The following NALF1 variants were observed in gnomAD, a reference collection of about 807,000 sequenced individuals.
The protein encoded by NALF1 is NALCN channel auxiliary factor 1.
A neutral mutation model predicts 48.4 loss-of-function variants in NALF1; 3 were observed. That is an observed-to-expected ratio of 0.06 (90% CI 0.03 to 0.16). NALF1 has a LOEUF of 0.16. NALF1 is among the 10% of genes least tolerant of loss of function. The probability of loss-of-function intolerance (pLI) is 1.00; values close to 1 mark genes in which losing one functional copy is unlikely to be tolerated. For synonymous variants in NALF1, 262 were observed against 245.7 expected, an observed-to-expected ratio of 1.07 and a Z score of -0.62; for missense variants, 526 against 571.5, an observed-to-expected ratio of 0.92 and a Z score of 0.81.
In NALF1 at chr13:107,708,916, AG is replaced by A. The variant is rs1875483559; in HGVS notation, c.915+156765del. Among the ~76,000 whole-genome samples, 3 of 152,172 alleles carry A rather than the reference AG, an allele frequency of 2.0e-5. No homozygotes were observed. The South Asian group carries it at 6.2e-4, about 32-fold the overall frequency. On this transcript the variant is annotated intron_variant, in intron 1 of 2. Coordinates refer to ENST00000375915, the MANE Select transcript of NALF1 (RefSeq NM_001080396.3). ...ATTTTAGTTTTCTATTTCTAAGTAA[AG>A]TGTGTTTATCAATAACTAGCTCATT...
intron 1 of NALF1, among the ~76,000 whole-genome samples, chr13:107,321,254 A>G (rs898208721): frequency 2.0e-5 from 3 of 152,142 alleles, no homozygotes; most frequent in African/African-American, 7.2e-5. Flanking sequence ...TCCAAGATAA[A>G]TTAATGAGCT....
chr13:107,471,860 AT>A (rs1885105893), intron 1 of NALF1, among the ~76,000 whole-genome samples: 1 of 152,116 alleles, frequency 6.6e-6, no homozygotes, highest in Non-Finnish European at 1.5e-5. Context: ...CCAATGTATT[AT>A]TTTCTTTGAA....
At chr13:107,344,978 G>A (rs1259181603) in intron 1 of NALF1, among the ~76,000 whole-genome samples, 2 of 152,052 alleles carry the variant, frequency 1.3e-5, no homozygotes, top group South Asian at 2.1e-4. Context: ...AAACAAATTC[G>A]GTAAAGTTGA....
At chr13:107,245,584 C>T (rs1880565222) in intron 1 of NALF1, among the ~76,000 whole-genome samples, 1 of 152,096 alleles carries the variant, frequency 6.6e-6, no homozygotes, top group South Asian at 2.1e-4. Context: ...CTTAAATATT[C>T]TTTTTGCTGT....
At chr13:107,447,603 G>A (rs765183204) in intron 1 of NALF1, among the ~76,000 whole-genome samples, 6 of 151,960 alleles carry the variant, frequency 3.9e-5, no homozygotes, top group Non-Finnish European at 8.8e-5. Context: ...CTCTTTCAGG[G>A]CACTGTCATT....
At chr13:107,795,429 A>C (rs530652084) in intron 1 of NALF1, among the ~76,000 whole-genome samples, 1 of 152,274 alleles carries the variant, frequency 6.6e-6, no homozygotes, top group Non-Finnish European at 1.5e-5. Flanking sequence ...AGTGTCATTA[A>C]ACAAATCAGT....
Position 107,170,485 on chromosome 13 carries a change from C to T in NALF1, c.*12G>A, listed in dbSNP as rs745781693. On this transcript the variant is annotated 3_prime_UTR_variant, in exon 3 of 3. Coordinates refer to ENST00000375915, the MANE Select transcript of NALF1 (RefSeq NM_001080396.3). ...CGGGCCAGCTGCTGCTGTGGTGACA[C>T]TCGTCCTTCCGTTACTCCTCATTGG... is the stretch of plus-strand genomic sequence containing the variant. The T allele has an allele frequency of 1.9e-6, 3 of 1,578,740 alleles. No homozygotes were observed. The highest frequency in any genetic ancestry group is 1.7e-5 in the Admixed American group (1 of 59,552).
At chr13:107,821,763 ATTATG>A (rs1434802257) in intron 1 of NALF1, among the ~76,000 whole-genome samples, 4 of 152,234 alleles carry the variant, frequency 2.6e-5, no homozygotes, top group African/African-American at 7.2e-5. Context: ...CATACCATTA[ATTATG>A]TTAACAACAA....
chr13:107,634,069 G>A (rs1879909940), intron 1 of NALF1, among the ~76,000 whole-genome samples: 1 of 151,782 alleles, frequency 6.6e-6, no homozygotes, highest in African/African-American at 2.4e-5. Context: ...CATGTATCAC[G>A]AATACTTTAG....
intron 1 of NALF1, among the ~76,000 whole-genome samples, chr13:107,709,909 A>G (rs2138518106): frequency 6.6e-6 from 1 of 152,320 alleles, no homozygotes; most frequent in East Asian, 1.9e-4. Context: ...GAATATTTCT[A>G]AAAGTTTTAG....
intron 1 of NALF1, among the ~76,000 whole-genome samples, chr13:107,355,345 A>T (rs533839318): frequency 7.7e-4 from 117 of 152,360 alleles, no homozygotes; most frequent in African/African-American, 2.7e-3. Flanking sequence ...AACATTATGC[A>T]TGAGACTTGG....
At chr13:107,394,851 A>C (rs1045550179) in intron 1 of NALF1, among the ~76,000 whole-genome samples, 7 of 152,110 alleles carry the variant, frequency 4.6e-5, no homozygotes, top group Admixed American at 1.3e-4. Context: ...AAAAACAAAA[A>C]CAAGGAACAG....
At chr13:107,220,762 T>C (rs980198296) in intron 1 of NALF1, among the ~76,000 whole-genome samples, 3 of 151,872 alleles carry the variant, frequency 2.0e-5, no homozygotes, top group African/African-American at 4.8e-5. Flanking sequence ...CAGAAGTCAA[T>C]GGGGGCTGAG....
intron 1 of NALF1, among the ~76,000 whole-genome samples, chr13:107,512,348 C>T (rs570176698): frequency 6.6e-6 from 1 of 152,272 alleles, no homozygotes. Context: ...GAGCCAAGAT[C>T]ATGCCACTGC....
intron 1 of NALF1, among the ~76,000 whole-genome samples, chr13:107,796,911 T>C (rs1418876696): frequency 6.6e-6 from 1 of 152,170 alleles, no homozygotes; most frequent in Non-Finnish European, 1.5e-5. Context: ...TATTTTACCA[T>C]ATTTTACACG....
intron 1 of NALF1, among the ~76,000 whole-genome samples, chr13:107,798,197 C>T (rs1342790751): frequency 1.3e-5 from 2 of 152,156 alleles, no homozygotes; most frequent in East Asian, 3.8e-4. Context: ...TAGAGAATAT[C>T]AATGGTTGAT....
At chr13:107,273,847 C>T (rs181381048) in intron 1 of NALF1, among the ~76,000 whole-genome samples, 4 of 152,234 alleles carry the variant, frequency 2.6e-5, no homozygotes, top group Admixed American at 2.6e-4. Context: ...CATCTTCCAA[C>T]CTCCCAGGGT....
chr13:107,262,430 A>G (rs1880946103), intron 1 of NALF1, among the ~76,000 whole-genome samples: 1 of 152,116 alleles, frequency 6.6e-6, no homozygotes, highest in Non-Finnish European at 1.5e-5. Context: ...AACAAACAAA[A>G]AAGCATATGG....
intron 1 of NALF1, among the ~76,000 whole-genome samples, chr13:107,675,854 A>C (rs1373618714): frequency 6.6e-6 from 1 of 152,186 alleles, no homozygotes; most frequent in Admixed American, 6.5e-5. Flanking sequence ...GATCTAAAAA[A>C]TGCATTTTCC....
Sources: gnomAD v4.1 joint callset for allele counts (sites outside exome capture counted in the v4.1 genomes callset) on GRCh38, gnomAD v4.1.1 for gene constraint, MANE v1.5 for transcripts, NCBI Gene and HGNC (gene_info 2026-07-23, HGNC 2026-07-21) for gene names.